Variants in WNT3A observed in about 807,000 individuals in gnomAD.
WNT3A encodes the protein protein Wnt-3a.
A neutral mutation model predicts 37.0 loss-of-function variants in WNT3A; 17 were observed. The ratio of observed to expected loss-of-function variants is 0.46; its 90% CI spans 0.31 to 0.69. WNT3A has a LOEUF of 0.69. WNT3A is among the 30% of genes least tolerant of loss of function. The pLI is 0.05. For synonymous variants in WNT3A, 187 were observed against 211.0 expected (o/e 0.89, Z 0.99); for missense variants, 411 against 510.2 (o/e 0.81, Z 1.87).
chr1:228,012,333 C>T (rs1178865108), intron 1 of WNT3A, among the ~76,000 whole-genome samples: 1 of 152,208 alleles, frequency 6.6e-6, no homozygotes, highest in Non-Finnish European at 1.5e-5. Flanking sequence ...GAATGCTTGG[C>T]CACCTGCCAT....
intron 1 of WNT3A, among the ~76,000 whole-genome samples, chr1:228,012,386 G>A (rs1231175385): frequency 6.6e-6 from 1 of 152,226 alleles, no homozygotes; most frequent in Non-Finnish European, 1.5e-5. Context: ...AGGATTTGGT[G>A]ACATTGTAGC....
At chr1:228,009,740 G>A (rs1006446237) in intron 1 of WNT3A, among the ~76,000 whole-genome samples, 1 of 152,206 alleles carries the variant, frequency 6.6e-6, no homozygotes, top group Non-Finnish European at 1.5e-5. Flanking sequence ...CCCAAATCAG[G>A]GTAATTAGGC....
intron 1 of WNT3A, among the ~76,000 whole-genome samples, chr1:228,013,795 G>C (rs76912428): frequency 0.022 from 3,373 of 152,336 alleles, 107 homozygotes; most frequent in East Asian, 0.11. Context: ...GGGCGAGATG[G>C]GAGGTCATCC....
In WNT3A at chr1:228,052,232, G is replaced by A. The variant is rs557980324; in HGVS notation, c.579+1311G>A. On this transcript the variant is annotated intron_variant, in intron 3 of 3. Coordinates refer to ENST00000284523, the MANE Select transcript of WNT3A (RefSeq NM_033131.4). The stretch of plus-strand genomic sequence containing the variant: ...CATCTCAGCTCACTGCAGCCTCCAC[G>A]TCCCGGGTTCAAGCGATTCTCCTGC... Among the ~76,000 whole-genome samples, 27 of 152,228 alleles carry A rather than the reference G, an allele frequency of 1.8e-4. No homozygotes were observed. The South Asian group carries it at 2.3e-3, about 13-fold the overall frequency.
At chr1:228,024,551 T>C (rs2030807346) in intron 2 of WNT3A, among the ~76,000 whole-genome samples, 1 of 152,238 alleles carries the variant, frequency 6.6e-6, no homozygotes, top group South Asian at 2.1e-4. Flanking sequence ...GTTCTTTATA[T>C]ATTCTGGATA....
At chr1:228,054,164 C>T (rs1450186527) in intron 3 of WNT3A, among the ~76,000 whole-genome samples, 1 of 152,158 alleles carries the variant, frequency 6.6e-6, no homozygotes, top group East Asian at 1.9e-4. Context: ...TAGTCTTGTC[C>T]TGTTCACATG....
chr1:228,036,822 C>A (rs930112715), intron 2 of WNT3A, among the ~76,000 whole-genome samples: 4 of 152,196 alleles, frequency 2.6e-5, no homozygotes, highest in Admixed American at 6.5e-5. Context: ...GCAGTGGATG[C>A]AGCAGCCCAG....
rs528689923 is a variant in WNT3A, at chr1:228,039,418, G to A, written c.314-11238G>A. 3.1e-4 allele frequency among the ~76,000 whole-genome samples: 47 copies of A among 152,258 alleles called. No individual in the cohort carries two copies. Among genetic ancestry groups the A allele is most frequent in the African/African-American group, 1.1e-3 (46 of 41,552 alleles). ...GAAGAGGCCAGGCCAGAGACCCAAT[G>A]ACCACTGTCTACTCATGGGGGGATG... On this transcript the variant is annotated intron_variant, in intron 2 of 3. Coordinates refer to ENST00000284523, the MANE Select transcript of WNT3A (RefSeq NM_033131.4). The surrounding 1 kb of genome is among the most constrained non-coding windows in gnomAD (Gnocchi z 4.1).
chr1:228,031,717 C>T lies in WNT3A; in HGVS notation c.313+8809C>T, dbSNP rs77509620. Among the ~76,000 whole-genome samples, 1 of 152,134 alleles carries T rather than the reference C, an allele frequency of 6.6e-6. No individual in the cohort carries two copies. The highest frequency in any genetic ancestry group is 1.5e-5 in the Non-Finnish European group (1 of 68,024). ...GCCGTGTGCATGTGGCTGTGGCATGCATGTGCATGCCTATGTGTGCATGTG... is the reference window on the plus strand; with the variant it reads ...GCCGTGTGCATGTGGCTGTGGCATGTATGTGCATGCCTATGTGTGCATGTG... On this transcript the variant is annotated intron_variant, in intron 2 of 3. Coordinates refer to ENST00000284523, the MANE Select transcript of WNT3A (RefSeq NM_033131.4). The surrounding 1 kb of genome is among the most constrained non-coding windows in gnomAD (Gnocchi z 4.8).
chr1:228,033,033 T>G (rs540599534), intron 2 of WNT3A, among the ~76,000 whole-genome samples: 3 of 152,378 alleles, frequency 2.0e-5, no homozygotes, highest in African/African-American at 7.2e-5. Flanking sequence ...ATTTGTCTTT[T>G]TGTCGTTGAG....
At chr1:228,025,374 G>T (rs966371179) in intron 2 of WNT3A, among the ~76,000 whole-genome samples, 2 of 151,934 alleles carry the variant, frequency 1.3e-5, no homozygotes, top group Admixed American at 1.3e-4. Context: ...TTTGAGACAG[G>T]GTCTCACTCT....
chr1:228,023,000 G>A (rs2030758119), intron 2 of WNT3A, 92 bp downstream of exon 2: 1 of 1,517,312 alleles, frequency 6.6e-7, no homozygotes, highest in South Asian at 1.3e-5. Flanking sequence ...TGTGCACACG[G>A]TGGGAACAGT....
At chr1:228,044,743 A>C (rs1332428622) in intron 2 of WNT3A, among the ~76,000 whole-genome samples, 1 of 152,232 alleles carries the variant, frequency 6.6e-6, no homozygotes, top group Non-Finnish European at 1.5e-5. Flanking sequence ...CTTGATAAAC[A>C]CTGTGAGCAG....
rs756955504 is a variant in WNT3A at position 228,060,320 on chromosome 1, C to G, written c.*855C>G. The G allele has an allele frequency of 3.0e-6, 4 of 1,346,686 alleles. No individual in the cohort carries two copies. Among genetic ancestry groups the G allele is most frequent in the East Asian group, 9.1e-5 (2 of 21,898 alleles). The allele number at this position is 1,346,686 out of a possible 1,614,324, so 83.4% of individuals were successfully genotyped here. ...GGTTCCATGAAGCGAGTCGGGTCCCCAACCCGTGCCCCTGGGATCCGAGGG... is the reference window on the plus strand; with the variant it reads ...GGTTCCATGAAGCGAGTCGGGTCCCGAACCCGTGCCCCTGGGATCCGAGGG... On this transcript the variant is annotated 3_prime_UTR_variant, in exon 4 of 4. Coordinates refer to ENST00000284523, the MANE Select transcript of WNT3A (RefSeq NM_033131.4).
rs984669060 is a variant in WNT3A, at chr1:228,042,088, C to G, written c.314-8568C>G. On this transcript the variant is annotated intron_variant, in intron 2 of 3. Coordinates refer to ENST00000284523, the MANE Select transcript of WNT3A (RefSeq NM_033131.4). This position sits in a 1 kb window ranked among gnomAD's most constrained non-coding sequence, Gnocchi z 5.2. ...CCGCCTCCCGGGTTCAAGCGATTCT[C>G]CCACCTCAGCCTCTTGAGTAGCTGG... Among the ~76,000 whole-genome samples the G allele has an allele frequency of 2.6e-5, 4 of 152,156 alleles. No individual in the cohort carries two copies. The highest frequency in any genetic ancestry group is 5.9e-5 in the Non-Finnish European group (4 of 68,032).
At chr1:228,025,534 A>T (rs2030832928) in intron 2 of WNT3A, among the ~76,000 whole-genome samples, 1 of 152,080 alleles carries the variant, frequency 6.6e-6, no homozygotes, top group South Asian at 2.1e-4. Flanking sequence ...TTTTTTGTAG[A>T]GATGGGATTT....
chr1:228,016,321 C>T (rs2030532602), intron 1 of WNT3A, among the ~76,000 whole-genome samples: 1 of 152,174 alleles, frequency 6.6e-6, no homozygotes, highest in African/African-American at 2.4e-5. Flanking sequence ...TGGGTGAACC[C>T]AGCACACATT....
rs1375668408 is a variant in WNT3A at position 228,039,471 on chromosome 1, C to A, written c.314-11185C>A. Reference sequence around the variant, plus strand: ...CATCAGCATATCAGAGACACCCTCCCAACCCCCTTCTCCTGGCAGGCTCCT... The same window carrying A: ...CATCAGCATATCAGAGACACCCTCCAAACCCCCTTCTCCTGGCAGGCTCCT... On this transcript the variant is annotated intron_variant, in intron 2 of 3. Transcript: ENST00000284523. The surrounding 1 kb of genome is among the most constrained non-coding windows in gnomAD (Gnocchi z 4.1). Among the ~76,000 whole-genome samples the A allele has an allele frequency of 6.6e-6, 1 of 152,158 alleles. No individual in the cohort carries two copies. The highest frequency in any genetic ancestry group is 1.5e-5 in the Non-Finnish European group (1 of 68,022).
intron 3 of WNT3A, among the ~76,000 whole-genome samples, chr1:228,051,462 T>C (rs912582488): frequency 6.6e-6 from 1 of 152,196 alleles, no homozygotes; most frequent in African/African-American, 2.4e-5. Context: ...CTGTGTCTTA[T>C]TCTGTCTGTG....
Sources: gnomAD v4.1 joint callset for allele counts (sites outside exome capture counted in the v4.1 genomes callset) on GRCh38, gnomAD v4.1.1 for gene constraint, Gnocchi (gnomAD v3.1) non-coding constraint, MANE v1.5 for transcripts, NCBI Gene and HGNC (gene_info 2026-07-23, HGNC 2026-07-21) for gene names.